STX8: variants seen among roughly 807,000 people sequenced by gnomAD.
STX8 encodes syntaxin 8.
In STX8, 23 loss-of-function variants were observed where a neutral mutation model predicts 37.5. The observed-to-expected ratio is 0.61, with a 90% CI of 0.44 to 0.87. The LOEUF (loss-of-function observed/expected upper bound fraction) is 0.87, where lower values mean the gene tolerates loss of function less well. Ranked by LOEUF, STX8 falls within the 40% of genes least tolerant of loss-of-function variation. The pLI is 0.00. For synonymous variants in STX8, 115 were observed against 99.1 expected (o/e 1.16, Z -0.95); for missense variants, 313 against 284.7 (o/e 1.10, Z -0.71).
At chr17:9,298,147 G>T (rs550910594) in intron 7 of STX8, among the ~76,000 whole-genome samples, 1 of 111,270 alleles carries the variant, frequency 9.0e-6, no homozygotes, top group East Asian at 3.2e-4. Flanking sequence ...AATGTCACTG[G>T]CTGGGAAAGC....
At chr17:9,346,008 C>CA (rs1395590645) in intron 7 of STX8, among the ~76,000 whole-genome samples, 1 of 151,942 alleles carries the variant, frequency 6.6e-6, no homozygotes, top group African/African-American at 2.4e-5. Flanking sequence ...CACGCCACCA[C>CA]ACCCGGCTCA....
intron 6 of STX8, among the ~76,000 whole-genome samples, chr17:9,458,395 C>T (rs1022149426): frequency 1.2e-4 from 18 of 151,096 alleles, no homozygotes; most frequent in African/African-American, 2.0e-4. Context: ...GTGATCCGCC[C>T]GCCTTGGCCT....
At chr17:9,356,749 G>A (rs1040867203) in intron 7 of STX8, among the ~76,000 whole-genome samples, 4 of 152,134 alleles carry the variant, frequency 2.6e-5, no homozygotes, top group Non-Finnish European at 4.4e-5. Flanking sequence ...GTCCCAGAAC[G>A]AGCAAGGCAG....
chr17:9,557,489 C>G lies in STX8; in HGVS notation c.157G>C (p.Glu53Gln). 1 of 1,614,084 alleles carries G rather than the reference C, an allele frequency of 6.2e-7. No homozygotes were observed. Among genetic ancestry groups the G allele is most frequent in the Non-Finnish European group, 8.5e-7 (1 of 1,179,990 alleles). The change falls in exon 3 of 8, where the codon GAA becomes CAA. Residue 53 changes from glutamate (E) to glutamine (Q), a missense_variant. Physicochemically the swap from Glu to Gln is conservative, Grantham distance 29. Coordinates refer to ENST00000306357, the MANE Select transcript of STX8 (RefSeq NM_004853.3). The stretch of plus-strand genomic sequence containing the variant: ...AAGTCCTTCAAAAGGGCGATCTTTT[C>G]CTTCAGGTTCTGCAACAAAGCTCTG... ...TIRALLQNLK[E>Q]KIALLKDLLL...
intron 6 of STX8, among the ~76,000 whole-genome samples, chr17:9,468,516 C>T (rs1905712629): frequency 6.6e-6 from 1 of 152,236 alleles, no homozygotes; most frequent in Admixed American, 6.5e-5. Flanking sequence ...CCCCATCCGA[C>T]CCAGGTGATT....
At chr17:9,560,747 GTTT>G (rs11306412) in intron 2 of STX8, among the ~76,000 whole-genome samples, 1 of 147,354 alleles carries the variant, frequency 6.8e-6, no homozygotes, top group African/African-American at 2.5e-5. Flanking sequence ...GCACAGTTTG[GTTT>G]TTTTTTTTTT....
At chr17:9,501,218 T>C (rs1383757153) in intron 5 of STX8, among the ~76,000 whole-genome samples, 1 of 152,150 alleles carries the variant, frequency 6.6e-6, no homozygotes, top group African/African-American at 2.4e-5. Context: ...AAACAGATTC[T>C]AGAATTCACA....
At chr17:9,522,675 G>A (rs1001799575) in intron 4 of STX8, among the ~76,000 whole-genome samples, 1 of 151,842 alleles carries the variant, frequency 6.6e-6, no homozygotes, top group Non-Finnish European at 1.5e-5. Flanking sequence ...TCGCGCCACT[G>A]CACTCCAGCC....
intron 7 of STX8, among the ~76,000 whole-genome samples, chr17:9,315,974 C>T (rs892458806): frequency 4.0e-5 from 6 of 151,532 alleles, no homozygotes; most frequent in African/African-American, 1.5e-4. Flanking sequence ...GAGATCACGC[C>T]ACTGCACTCC....
rs1906866626 is a variant in STX8, at chr17:9,491,877, G to A, written c.493C>T (p.Gln165Ter). The change falls in exon 6 of 8, where the codon CAA (glutamine) becomes TAA (stop). Residue 165 changes from glutamine (Q) to a stop codon, truncating the protein, a stop_gained. Coordinates refer to ENST00000306357, the MANE Select transcript of STX8 (RefSeq NM_004853.3). LOFTEE classifies it high-confidence loss of function. ...CCAATTTCCTGCCCCATTTGTTTTTGGCGACTTATGATAGAGGAAAGGGCA... is the reference window on the plus strand; with the variant it reads ...CCAATTTCCTGCCCCATTTGTTTTTAGCGACTTATGATAGAGGAAAGGGCA... The part of the protein sequence containing the change: ...LDALSSIISR[Q>*]KQMGQEIGNE... 6.2e-7 allele frequency: 1 copy of A among 1,613,594 alleles called. No individual in the cohort carries two copies. Among genetic ancestry groups the A allele is most frequent in the African/African-American group, 1.3e-5 (1 of 74,852 alleles).
At chr17:9,339,755 C>T (rs1549331) in intron 7 of STX8, among the ~76,000 whole-genome samples, 22,852 of 152,194 alleles carry the variant, frequency 0.15, 1,927 homozygotes, top group African/African-American at 0.21. Context: ...ATGTGCCCGG[C>T]TTCTGTCATC....
At chr17:9,538,641 T>C (rs1223975961) in intron 4 of STX8, among the ~76,000 whole-genome samples, 1 of 152,230 alleles carries the variant, frequency 6.6e-6, no homozygotes, top group African/African-American at 2.4e-5. Context: ...AGACGTTTCA[T>C]TATCATCTTC....
chr17:9,574,929 T>C (rs149280526), intron 1 of STX8, among the ~76,000 whole-genome samples: 95 of 152,340 alleles, frequency 6.2e-4, no homozygotes, highest in Admixed American at 1.4e-3. Context: ...TGGAATCCAT[T>C]CTTCTAATAT....
intron 7 of STX8, among the ~76,000 whole-genome samples, chr17:9,258,892 C>T (rs1310263675): frequency 6.6e-6 from 1 of 152,242 alleles, no homozygotes; most frequent in African/African-American, 2.4e-5. Flanking sequence ...GGCTCATCCT[C>T]TGTATTTCAT....
intron 7 of STX8, among the ~76,000 whole-genome samples, chr17:9,333,425 T>C (rs1289517231): frequency 6.6e-6 from 1 of 152,250 alleles, no homozygotes; most frequent in Admixed American, 6.5e-5. Context: ...TCTTGCTCTG[T>C]CACCCAGGCT....
chr17:9,279,045 T>C (rs1452043237), intron 7 of STX8, among the ~76,000 whole-genome samples: 1 of 147,952 alleles, frequency 6.8e-6, no homozygotes, highest in African/African-American at 2.5e-5. Flanking sequence ...ATTATTATTC[T>C]GTGTGTGTGT....
At chr17:9,313,149 C>G (rs1454631785) in intron 7 of STX8, among the ~76,000 whole-genome samples, 1 of 152,008 alleles carries the variant, frequency 6.6e-6, no homozygotes. Context: ...CGAGATCACG[C>G]CATTGCATTC....
At chr17:9,314,066 C>A (rs76098798) in intron 7 of STX8, among the ~76,000 whole-genome samples, 1,562 of 152,288 alleles carry the variant, frequency 0.01, 30 homozygotes, top group African/African-American at 0.035. Flanking sequence ...CGTCTTAACT[C>A]CCCTACTGAA....
intron 6 of STX8, among the ~76,000 whole-genome samples, chr17:9,413,363 CAG>C (rs1314255812): frequency 1.3e-5 from 2 of 152,164 alleles, no homozygotes; most frequent in Admixed American, 6.5e-5. Context: ...AAAATGTGGA[CAG>C]AGAGGCCAAC....
Sources: gnomAD v4.1 joint callset for allele counts (sites outside exome capture counted in the v4.1 genomes callset) on GRCh38, gnomAD v4.1.1 for gene constraint, MANE v1.5 for transcripts, NCBI Gene and HGNC (gene_info 2026-07-23, HGNC 2026-07-21) for gene names.